The following PGCKA1 variants were observed in gnomAD, a reference collection of about 807,000 sequenced individuals.
PGCKA1 encodes PDCD10 and GCKIII kinases-associated protein 1.
At chr4:37,573,346 C>T in the PGCKA1 span, among the ~76,000 whole-genome samples, 7 of 152,294 alleles carry the variant, frequency 4.6e-5, no homozygotes, top group East Asian at 1.2e-3. Flanking sequence ...GCATTATCCC[C>T]ATTTTACAGA....
At chr4:37,578,950 C>T in the PGCKA1 span, among the ~76,000 whole-genome samples, 6 of 152,080 alleles carry the variant, frequency 3.9e-5, no homozygotes, top group East Asian at 3.9e-4. Flanking sequence ...CCCAGCTATT[C>T]GGGAGGCTGA....
the PGCKA1 span, among the ~76,000 whole-genome samples, chr4:37,458,272 T>C: frequency 5.3e-5 from 8 of 152,194 alleles, no homozygotes; most frequent in Non-Finnish European, 1.2e-4. Context: ...GCACAAATGT[T>C]AGTACTATGA....
the PGCKA1 span, among the ~76,000 whole-genome samples, chr4:37,548,740 A>G: frequency 6.6e-6 from 1 of 152,266 alleles, no homozygotes; most frequent in Admixed American, 6.5e-5. Context: ...TTTGGTCTAA[A>G]AACTAATAAA....
At chr4:37,518,747 C>A in the PGCKA1 span, among the ~76,000 whole-genome samples, 1 of 152,050 alleles carries the variant, frequency 6.6e-6, no homozygotes, top group East Asian at 1.9e-4. Flanking sequence ...TCGTTGTTTC[C>A]TTTGCTGTGC....
At chr4:37,528,310 A>G in the PGCKA1 span, among the ~76,000 whole-genome samples, 1 of 152,222 alleles carries the variant, frequency 6.6e-6, no homozygotes, top group Non-Finnish European at 1.5e-5. Flanking sequence ...TTTAATATGT[A>G]ATCACGACAT....
chr4:37,575,365 T>A, the PGCKA1 span, among the ~76,000 whole-genome samples: 1 of 152,332 alleles, frequency 6.6e-6, no homozygotes, highest in African/African-American at 2.4e-5. Flanking sequence ...TGAGCACCTT[T>A]TCCTATACTG....
chr4:37,486,821 A>G, the PGCKA1 span, among the ~76,000 whole-genome samples: 1 of 152,140 alleles, frequency 6.6e-6, no homozygotes, highest in South Asian at 2.1e-4. Context: ...CCATACCTTC[A>G]TAATATATTT....
the PGCKA1 span, among the ~76,000 whole-genome samples, chr4:37,554,111 T>C: frequency 3.3e-5 from 5 of 152,148 alleles, no homozygotes; most frequent in Admixed American, 6.5e-5. Flanking sequence ...ATAAATCTCA[T>C]GAGATCTGAT....
chr4:37,518,483 A>G, the PGCKA1 span, among the ~76,000 whole-genome samples: 22 of 152,310 alleles, frequency 1.4e-4, no homozygotes, highest in African/African-American at 4.6e-4. Flanking sequence ...GTGAGATAGT[A>G]TCTCATTGTA....
chr4:37,482,314 G>A, the PGCKA1 span, among the ~76,000 whole-genome samples: 62 of 152,266 alleles, frequency 4.1e-4, no homozygotes, highest in Admixed American at 2.4e-3. Context: ...TGGTCAAAAT[G>A]CTGTTAATGA....
the PGCKA1 span, among the ~76,000 whole-genome samples, chr4:37,525,291 A>G: frequency 6.6e-6 from 1 of 152,210 alleles, no homozygotes; most frequent in Admixed American, 6.5e-5. Flanking sequence ...AGTCAGCTAC[A>G]TAGCCAATGT....
chr4:37,548,016 A>AG, the PGCKA1 span, among the ~76,000 whole-genome samples: 1 of 131,736 alleles, frequency 7.6e-6, no homozygotes, highest in Non-Finnish European at 1.7e-5. Flanking sequence ...AAAAAAGGAA[A>AG]AAAAAAGGGG....
the PGCKA1 span, among the ~76,000 whole-genome samples, chr4:37,532,320 T>C: frequency 6.6e-6 from 1 of 152,360 alleles, no homozygotes; most frequent in East Asian, 1.9e-4. Flanking sequence ...CATTAACAAA[T>C]GAGTGTAATT....
At chr4:37,554,520 G>T in the PGCKA1 span, among the ~76,000 whole-genome samples, 1 of 152,042 alleles carries the variant, frequency 6.6e-6, no homozygotes, top group African/African-American at 2.4e-5. Context: ...GCTAATTTTT[G>T]TACTTTTAGT....
chr4:37,482,114 G>A, the PGCKA1 span, among the ~76,000 whole-genome samples: 1 of 152,102 alleles, frequency 6.6e-6, no homozygotes, highest in Admixed American at 6.5e-5. Context: ...GTCTTTATTA[G>A]CAGTGTTAGA....
At chr4:37,517,594 CCAGT>C in the PGCKA1 span, among the ~76,000 whole-genome samples, 1 of 151,946 alleles carries the variant, frequency 6.6e-6, no homozygotes, top group East Asian at 1.9e-4. Flanking sequence ...CTGGAGTCTG[CCAGT>C]CAGTTTTCTT....
chr4:37,455,838 G>T, the PGCKA1 span, among the ~76,000 whole-genome samples: 2 of 152,144 alleles, frequency 1.3e-5, no homozygotes, highest in African/African-American at 4.8e-5. Context: ...AGAACAGCCC[G>T]CTCTTGGTGC....
the PGCKA1 span, among the ~76,000 whole-genome samples, chr4:37,479,706 G>C: frequency 2.0e-5 from 3 of 152,182 alleles, no homozygotes; most frequent in East Asian, 5.8e-4. Flanking sequence ...TGAATTTGGA[G>C]CCCAAAGAGG....
chr4:37,494,000 A>C, the PGCKA1 span, among the ~76,000 whole-genome samples: 1 of 152,158 alleles, frequency 6.6e-6, no homozygotes, highest in African/African-American at 2.4e-5. Context: ...GTCGCTTCCA[A>C]ATCATAGCTG....
Sources: allele counts gnomAD v4.1 joint callset (sites outside exome capture counted in the v4.1 genomes callset), GRCh38; gene constraint gnomAD v4.1.1; transcripts MANE v1.5; gene names NCBI Gene and HGNC (gene_info 2026-07-23, HGNC 2026-07-21).